Variants in BRINP1 observed in about 807,000 individuals in gnomAD.
The protein encoded by BRINP1 is BMP/retinoic acid-inducible neural-specific protein 1.
Under a neutral mutation model 72.9 loss-of-function variants are expected in BRINP1, and 17 were observed. That is an observed-to-expected ratio of 0.23 (90% CI 0.16 to 0.35). BRINP1 has a LOEUF of 0.35. Among genes scored for constraint, BRINP1 ranks in the 10% least tolerant of loss-of-function variants. The pLI is 1.00. For synonymous variants in BRINP1, 418 were observed against 378.5 expected, an observed-to-expected ratio of 1.10 and a Z score of -1.21; for missense variants, 850 against 1,001.6, an observed-to-expected ratio of 0.85 and a Z score of 2.04.
chr9:119,231,134 A>C (rs1025678353), intron 5 of BRINP1, among the ~76,000 whole-genome samples: 3 of 152,154 alleles, frequency 2.0e-5, no homozygotes, highest in East Asian at 1.9e-4. Context: ...AATAAAAAGC[A>C]TTCTAATTTC....
chr9:119,241,951 C>A, intron 4 of BRINP1, 96 bp downstream of exon 4: 1 of 1,368,406 alleles, frequency 7.3e-7, no homozygotes, highest in Admixed American at 2.0e-5. Context: ...TGGTTATGAA[C>A]CCAGAAATTA....
chr9:119,237,941 T>A (rs1181899759), intron 5 of BRINP1, among the ~76,000 whole-genome samples: 1 of 152,202 alleles, frequency 6.6e-6, no homozygotes, highest in East Asian at 1.9e-4. Flanking sequence ...ATTACAGGTG[T>A]GAGCCACTGC....
rs569655626 is a variant in BRINP1 at position 119,298,144 on chromosome 9, A to C, written c.218+14994T>G. Among the ~76,000 whole-genome samples, 3 of 152,330 alleles carry C rather than the reference A, an allele frequency of 2.0e-5. No individual in the cohort carries two copies. In the South Asian group the frequency reaches 6.2e-4, roughly 32 times the overall value. On this transcript the variant is annotated intron_variant, in intron 2 of 7. Coordinates refer to ENST00000265922, the MANE Select transcript of BRINP1 (RefSeq NM_014618.3). ...TTTGTTATCCTAAAGTGATAGTCTG[A>C]AATCAGACCATTTGAATGCAATTAT...
chr9:119,345,176 T>A (rs1831437957), intron 1 of BRINP1, among the ~76,000 whole-genome samples: 1 of 152,206 alleles, frequency 6.6e-6, no homozygotes, highest in Admixed American at 6.5e-5. Flanking sequence ...CTTTCCAGAT[T>A]GATCCTGTCT....
Position 119,168,138 on chromosome 9 carries a change from C to G in BRINP1, c.1232G>C (p.Arg411Pro). The change falls in exon 8 of 8, where the codon CGG becomes CCG. Residue 411 changes from arginine (R) to proline (P), a missense_variant. Arg to Pro is a moderately radical substitution (Grantham distance 103). Transcript: ENST00000265922. ...GFWGTFLESQ[R>P]SCVCHGSTTL... Reference sequence around the variant, plus strand: ...GGTGCTGCCGTGGCACACGCAGCTCCGCTGGCTCTCCAGGAAGGTTCCCCA... The same window carrying G: ...GGTGCTGCCGTGGCACACGCAGCTCGGCTGGCTCTCCAGGAAGGTTCCCCA... The G allele has an allele frequency of 6.2e-7, 1 of 1,600,660 alleles. No homozygotes were observed. Among genetic ancestry groups the G allele is most frequent in the East Asian group, 2.2e-5 (1 of 44,586 alleles).
At chr9:119,178,367 CT>C (rs1829512704) in intron 7 of BRINP1, among the ~76,000 whole-genome samples, 1 of 152,162 alleles carries the variant, frequency 6.6e-6, no homozygotes, top group South Asian at 2.1e-4. Context: ...AACAAACTTT[CT>C]TTTGCTTTTC....
intron 2 of BRINP1, among the ~76,000 whole-genome samples, chr9:119,277,063 A>C (rs547532557): frequency 2.0e-5 from 3 of 152,156 alleles, no homozygotes; most frequent in Non-Finnish European, 4.4e-5. Flanking sequence ...GAAATCATAG[A>C]GTGTGTAGCC....
chr9:119,222,578 A>G (rs948524003), intron 5 of BRINP1, among the ~76,000 whole-genome samples: 3 of 151,830 alleles, frequency 2.0e-5, no homozygotes, highest in African/African-American at 7.3e-5. Flanking sequence ...TAAGGCATCC[A>G]TCATGTGCAG....
At chr9:119,319,036 G>A (rs1831157704) in intron 1 of BRINP1, among the ~76,000 whole-genome samples, 1 of 152,046 alleles carries the variant, frequency 6.6e-6, no homozygotes, top group Admixed American at 6.6e-5. Context: ...ATGGGTGGAG[G>A]CCAGGGGTGC....
Position 119,198,767 on chromosome 9 carries a change from G to A in BRINP1, c.1145+9952C>T, listed in dbSNP as rs1829773199. Among the ~76,000 whole-genome samples, 4 of 151,688 alleles carry A rather than the reference G, an allele frequency of 2.6e-5. No individual in the cohort carries two copies. The South Asian group carries it at 8.3e-4, about 32-fold the overall frequency. On this transcript the variant is annotated intron_variant, in intron 7 of 7. Coordinates refer to ENST00000265922, the MANE Select transcript of BRINP1 (RefSeq NM_014618.3). The stretch of plus-strand genomic sequence containing the variant: ...GCTCACTGCAATCTCCGCCTCCCAG[G>A]CTCAAGTGATTCTTGTGCCTCAGCC...
chr9:119,243,726 C>T (rs1209125083), intron 3 of BRINP1, among the ~76,000 whole-genome samples: 1 of 152,076 alleles, frequency 6.6e-6, no homozygotes, highest in Non-Finnish European at 1.5e-5. Context: ...TTGATTTCTC[C>T]TTTTTGTCTT....
intron 1 of BRINP1, among the ~76,000 whole-genome samples, chr9:119,340,835 G>A (rs1004936825): frequency 3.3e-5 from 5 of 152,128 alleles, no homozygotes; most frequent in Non-Finnish European, 7.3e-5. Context: ...GTCCTTAAGA[G>A]AACAAAGGAG....
chr9:119,285,292 G>A (rs1431068935), intron 2 of BRINP1, among the ~76,000 whole-genome samples: 1 of 152,114 alleles, frequency 6.6e-6, no homozygotes, highest in Non-Finnish European at 1.5e-5. Context: ...GGTCTCAGAA[G>A]GCTGGTGCAG....
intron 2 of BRINP1, among the ~76,000 whole-genome samples, chr9:119,252,329 A>G (rs1237920282): frequency 6.6e-6 from 1 of 152,192 alleles, no homozygotes; most frequent in Admixed American, 6.5e-5. Flanking sequence ...TTCCTGACTC[A>G]CAGAAACTGT....
chr9:119,222,830 A>AC (rs1453655364), intron 5 of BRINP1, among the ~76,000 whole-genome samples: 2 of 152,124 alleles, frequency 1.3e-5, no homozygotes, highest in African/African-American at 2.4e-5. Context: ...AAGCCAGCAT[A>AC]CTTTTTTTTT....
At chr9:119,287,692 A>G (rs1830777146) in intron 2 of BRINP1, among the ~76,000 whole-genome samples, 1 of 152,246 alleles carries the variant, frequency 6.6e-6, no homozygotes, top group African/African-American at 2.4e-5. Flanking sequence ...GACAGCATTC[A>G]TATCTGAAGG....
intron 2 of BRINP1, among the ~76,000 whole-genome samples, chr9:119,251,480 C>T (rs981879198): frequency 1.3e-5 from 2 of 152,120 alleles, no homozygotes; most frequent in Non-Finnish European, 2.9e-5. Flanking sequence ...TGGTGGTGCA[C>T]GCCTGTAGCC....
intron 2 of BRINP1, among the ~76,000 whole-genome samples, chr9:119,300,698 T>C: frequency 1.3e-5 from 2 of 152,174 alleles, no homozygotes; most frequent in Middle Eastern, 6.8e-3. Flanking sequence ...AATAATAAAA[T>C]CTCTACTCCC....
chr9:119,199,842 T>C (rs540849422), intron 7 of BRINP1, among the ~76,000 whole-genome samples: 19 of 150,560 alleles, frequency 1.3e-4, no homozygotes, highest in African/African-American at 4.4e-4. Context: ...CCCAAAGTAA[T>C]AGACTTAACA....
Sources: gnomAD v4.1 joint callset for allele counts (sites outside exome capture counted in the v4.1 genomes callset) on GRCh38, gnomAD v4.1.1 for gene constraint, MANE v1.5 for transcripts, NCBI Gene and HGNC (gene_info 2026-07-23, HGNC 2026-07-21) for gene names.